Variants in DEPDC4 observed in about 807,000 individuals in gnomAD.
DEPDC4 encodes DEP domain-containing protein 4.
A neutral mutation model predicts 52.0 loss-of-function variants in DEPDC4; 52 were observed. That is an observed-to-expected ratio of 1.00 (90% CI 0.80 to 1.26). The LOEUF (loss-of-function observed/expected upper bound fraction) is 1.26. DEPDC4 is among the 50% of genes most tolerant of loss of function. DEPDC4 has a pLI of 0.00. For synonymous variants in DEPDC4, 201 were observed against 196.8 expected (o/e 1.02, Z -0.18); for missense variants, 530 against 546.9 (o/e 0.97, Z 0.31).
the DEPDC4 span, among the ~76,000 whole-genome samples, chr12:100,281,032 T>TTG: frequency 7.4e-6 from 1 of 134,468 alleles, no homozygotes; most frequent in African/African-American, 2.8e-5. Context: ...TTTTTTTTTT[T>TTG]TTTTTTTTTT....
Position 100,262,361 on chromosome 12 carries a change from C to T in DEPDC4, c.603G>A (p.Glu201=). 1.2e-6 allele frequency: 2 copies of T among 1,613,314 alleles called. No homozygotes were observed. The highest frequency in any genetic ancestry group is 1.7e-6 in the Non-Finnish European group (2 of 1,179,762). The change falls in exon 3 of 10, where the codon GAG becomes GAA. Residue 201 remains glutamate (E), a synonymous_variant. Transcript: ENST00000550587. ...ISNPLAQEIG[E]ERIEELIHTI... ...TATGAATAAGTTCCTCAATTCTTTCCTCACCAATCTCCTGTGCTAGAGGAT... is the reference window on the plus strand; with the variant it reads ...TATGAATAAGTTCCTCAATTCTTTCTTCACCAATCTCCTGTGCTAGAGGAT...
chr12:100,275,541 A>C, the DEPDC4 span, among the ~76,000 whole-genome samples: 6,337 of 152,238 alleles, frequency 0.042, 477 homozygotes, highest in African/African-American at 0.14. Flanking sequence ...ATTCTACTAT[A>C]TTGCCAAACT....
At chr12:100,238,019 A>G (rs4764971), downstream of DEPDC4, 138,334 of 969,742 alleles carry the variant, frequency 0.14, 11,776 homozygotes, top group East Asian at 0.6. Context: ...GGAGACTTCT[A>G]TCGAAGAGGG....
At chr12:100,274,843 T>G in the DEPDC4 span, among the ~76,000 whole-genome samples, 2 of 152,362 alleles carry the variant, frequency 1.3e-5, no homozygotes, top group Middle Eastern at 3.4e-3. Context: ...AACCTTGGTT[T>G]GTGCCATAGA....
At chr12:100,238,568 C>T (rs2096146772), downstream of DEPDC4, among the ~76,000 whole-genome samples, 1 of 142,832 alleles carries the variant, frequency 7.0e-6, no homozygotes, top group Non-Finnish European at 1.5e-5. Flanking sequence ...CTCACTGCAA[C>T]CTCTGCTCCT....
upstream of DEPDC4, among the ~76,000 whole-genome samples, chr12:100,271,581 ATTG>A (rs1206438105): frequency 2.6e-5 from 4 of 152,098 alleles, no homozygotes; most frequent in Non-Finnish European, 5.9e-5. Flanking sequence ...TTTGTTTTAT[ATTG>A]TTGTTCTTTG....
chr12:100,255,958 C>A (rs2096230745), intron 4 of DEPDC4, 91 bp downstream of exon 4: 2 of 899,754 alleles, frequency 2.2e-6, no homozygotes, highest in South Asian at 3.6e-5. Context: ...AAGCTTATAA[C>A]ATGAATATTT....
At chr12:100,238,651 A>G (rs981212121), downstream of DEPDC4, among the ~76,000 whole-genome samples, 1 of 151,158 alleles carries the variant, frequency 6.6e-6, no homozygotes, top group African/African-American at 2.4e-5. Context: ...GTACCTGGCT[A>G]ATTTTTGCAT....
the DEPDC4 span, among the ~76,000 whole-genome samples, chr12:100,281,450 G>A: frequency 6.6e-6 from 1 of 152,088 alleles, no homozygotes; most frequent in East Asian, 1.9e-4. Context: ...CAGCACTTTG[G>A]GAGACCAAGA....
chr12:100,236,091 A>T (rs987669792), downstream of DEPDC4, among the ~76,000 whole-genome samples: 2 of 152,246 alleles, frequency 1.3e-5, no homozygotes, highest in East Asian at 3.9e-4. Context: ...CCACTTGTTG[A>T]TTGATGGGCA....
At chr12:100,272,882 CA>C in the DEPDC4 span, among the ~76,000 whole-genome samples, 1 of 152,168 alleles carries the variant, frequency 6.6e-6, no homozygotes, top group Non-Finnish European at 1.5e-5. Flanking sequence ...CGTAGTTTAA[CA>C]TGTAAATACA....
chr12:100,277,535 G>A, the DEPDC4 span, among the ~76,000 whole-genome samples: 1 of 152,084 alleles, frequency 6.6e-6, no homozygotes, highest in East Asian at 1.9e-4. Flanking sequence ...AGCTTATTCT[G>A]TTATTAATAT....
At chr12:100,239,880 A>AAAAC (rs751633519), downstream of DEPDC4, among the ~76,000 whole-genome samples, 1 of 152,076 alleles carries the variant, frequency 6.6e-6, no homozygotes, top group African/African-American at 2.4e-5. Context: ...CATCTCTACA[A>AAAAC]AAACAAACAA....
At chr12:100,264,561 C>T (rs1343775025) in intron 1 of DEPDC4, among the ~76,000 whole-genome samples, 1 of 152,060 alleles carries the variant, frequency 6.6e-6, no homozygotes, top group Non-Finnish European at 1.5e-5. Flanking sequence ...CGCCTGTAAT[C>T]CCAGTTACTC....
rs1280505810 is a variant in DEPDC4 at position 100,252,295 on chromosome 12, T to C, written c.1255A>G (p.Asn419Asp). ...AGAGTTTTCAGGACCACTGTTTTAT[T>C]ATCATACTGTAAACAGAAAGATTAA... ...NAYKLQKQYD[N>D]KTVVLKTLAK... Residue 419 changes from asparagine (N) to aspartate (D), a missense_variant, in exon 7 of 10, where the codon AAT (asparagine) becomes GAT (aspartate). Transcript: ENST00000550587. 1 of 1,456,642 alleles carries C rather than the reference T, an allele frequency of 6.9e-7. No individual in the cohort carries two copies. The highest frequency in any genetic ancestry group is 1.4e-5 in the African/African-American group (1 of 69,526). 90.2% of individuals were successfully genotyped at this position (1,456,642 alleles called of 1,614,324 possible). A position where few individuals can be genotyped will look rare whatever the true frequency, so the allele number is the denominator to read the frequency against.
rs1451042911 is a variant in DEPDC4 at position 100,241,546 on chromosome 12, T to A, written c.*346A>T. The A allele has an allele frequency of 1.7e-5, 11 of 640,926 alleles. No homozygotes were observed. The East Asian group carries it at 6.1e-4, about 35-fold the overall frequency. The allele number at this position is 640,926 out of a possible 1,614,324, so 39.7% of individuals were successfully genotyped here. On this transcript the variant is annotated 3_prime_UTR_variant, in exon 10 of 10. Transcript: ENST00000550587. ...GACCCCTGTCTCTACAAAATAAAAA[T>A]AAAAAATAAAACACTTAAAATCCTT...
At chr12:100,255,864 C>T (rs1274010895) in intron 4 of DEPDC4, 185 bp downstream of exon 4, 3 of 416,986 alleles carry the variant, frequency 7.2e-6, no homozygotes, top group Admixed American at 3.9e-5. Flanking sequence ...ACTCTGATTT[C>T]CAGTGATCTT....
At chr12:100,276,323 TTTTC>T in the DEPDC4 span, among the ~76,000 whole-genome samples, 1 of 152,122 alleles carries the variant, frequency 6.6e-6, no homozygotes, top group Non-Finnish European at 1.5e-5. Flanking sequence ...AAAATTTTTA[TTTTC>T]TTTCTTTTTA....
chr12:100,236,987 G>A (rs982651361), downstream of DEPDC4, among the ~76,000 whole-genome samples: 1 of 151,998 alleles, frequency 6.6e-6, no homozygotes, highest in African/African-American at 2.4e-5. Flanking sequence ...AAGATCAGTT[G>A]GCTATACGTA....
Sources: gnomAD v4.1 joint callset for allele counts (sites outside exome capture counted in the v4.1 genomes callset) on GRCh38, gnomAD v4.1.1 for gene constraint, MANE v1.5 for transcripts, NCBI Gene and HGNC (gene_info 2026-07-23, HGNC 2026-07-21) for gene names.